The following LONRF1 variants were observed in gnomAD, a reference collection of about 807,000 sequenced individuals.
LONRF1 encodes the protein LON peptidase N-terminal domain and RING finger protein 1.
In LONRF1, 37 loss-of-function variants were observed where a neutral mutation model predicts 85.8. That is an observed-to-expected ratio of 0.43 (90% CI 0.33 to 0.57). The LOEUF is 0.57. LONRF1 is among the 20% of genes least tolerant of loss of function. The pLI is 0.04. For synonymous variants in LONRF1, 517 were observed against 390.1 expected (o/e 1.33, Z -3.83); for missense variants, 1,036 against 978.0 (o/e 1.06, Z -0.79).
At position 12,740,966 on chromosome 8, in the gene LONRF1, C is replaced by A. The variant is rs770316883; in HGVS notation, c.871G>T (p.Asp291Tyr). Residue 291 changes from aspartate (D) to tyrosine (Y), a missense_variant, in exon 3 of 12, where the codon GAT becomes TAT. By Grantham distance (160) the Asp-to-Tyr change is radical (BLOSUM62 -3). Transcript: ENST00000398246. ...AAGGCATCACCTAAAAAACCAGCAT[C>A]GCAGAGTACTTTTCCTTTCCTGAAG... is the stretch of plus-strand genomic sequence containing the variant. Reference protein sequence around the residue: ...VYFRKGKVLCDAGFLGDALQL... With the variant: ...VYFRKGKVLCYAGFLGDALQL... The A allele has an allele frequency of 1.2e-6, 2 of 1,613,544 alleles. No individual in the cohort carries two copies. The highest frequency in any genetic ancestry group is 1.7e-5 in the Admixed American group (1 of 60,004).
At chr8:12,751,645 C>T (rs936953471) in intron 1 of LONRF1, among the ~76,000 whole-genome samples, 2 of 150,958 alleles carry the variant, frequency 1.3e-5, no homozygotes, top group Non-Finnish European at 3.0e-5. Context: ...ATTTTCCTTA[C>T]CCAAATATTT....
intron 10 of LONRF1, among the ~76,000 whole-genome samples, chr8:12,726,270 A>C (rs1253551641): frequency 6.6e-6 from 1 of 152,224 alleles, no homozygotes; most frequent in Non-Finnish European, 1.5e-5. Flanking sequence ...TAGTTGCTAC[A>C]AAAAAAGAAA....
chr8:12,734,468 C>G (rs748716720), intron 7 of LONRF1, among the ~76,000 whole-genome samples: 1 of 152,152 alleles, frequency 6.6e-6, no homozygotes, highest in Non-Finnish European at 1.5e-5. Context: ...CCCCAATCAA[C>G]GCTACAAACT....
intron 1 of LONRF1, among the ~76,000 whole-genome samples, chr8:12,745,666 T>C (rs1015393279): frequency 3.3e-5 from 5 of 152,222 alleles, no homozygotes; most frequent in African/African-American, 9.6e-5. Flanking sequence ...ACTGCAGGTA[T>C]CTGTATTGCC....
chr8:12,753,108 T>A (rs1034465877), intron 1 of LONRF1: 1 of 152,230 alleles, frequency 6.6e-6, no homozygotes, highest in Non-Finnish European at 1.5e-5. Context: ...GTCATGTGTA[T>A]CAGAATTCTG....
intron 7 of LONRF1, among the ~76,000 whole-genome samples, chr8:12,735,036 C>G (rs953467235): frequency 6.6e-6 from 1 of 151,936 alleles, no homozygotes; most frequent in South Asian, 2.1e-4. Context: ...ACCATACCCA[C>G]TTTTGTTTAA....
chr8:12,751,312 T>TTTTTTTTTTTTTTG, intron 1 of LONRF1, among the ~76,000 whole-genome samples: 1 of 137,992 alleles, frequency 7.2e-6, no homozygotes, highest in Non-Finnish European at 1.6e-5. Context: ...TTTTTTTTTT[T>TTTTTTTTTTTTTTG]TTTTTTTTGA....
intron 7 of LONRF1, among the ~76,000 whole-genome samples, chr8:12,734,078 A>C (rs4258004): frequency 0.89 from 135,716 of 152,170 alleles, 61,348 homozygotes; most frequent in Non-Finnish European, 0.96. Flanking sequence ...AATCTGGAAA[A>C]ACAAGCATCA....
At chr8:12,732,195 TA>T (rs1429022242) in intron 7 of LONRF1, among the ~76,000 whole-genome samples, 5 of 152,238 alleles carry the variant, frequency 3.3e-5, no homozygotes, top group Non-Finnish European at 7.3e-5. Flanking sequence ...TCATGGGCAC[TA>T]AACTATCATT....
intron 7 of LONRF1, 142 bp from the exon 8 acceptor site, chr8:12,731,999 T>C (rs978069072): frequency 4.7e-5 from 38 of 800,550 alleles, no homozygotes; most frequent in Admixed American, 3.6e-4. Flanking sequence ...AACATTACAA[T>C]GGATGATGCT....
At chr8:12,729,628 G>A (rs140565307) in intron 8 of LONRF1, among the ~76,000 whole-genome samples, 1 of 151,986 alleles carries the variant, frequency 6.6e-6, no homozygotes, top group African/African-American at 2.4e-5. Context: ...TATGAATCAA[G>A]AGAATTTATT....
At chr8:12,754,561 C>T (rs980384991) in intron 1 of LONRF1, 139 bp downstream of exon 1, 3 of 1,045,818 alleles carry the variant, frequency 2.9e-6, no homozygotes, top group Non-Finnish European at 3.6e-6. Flanking sequence ...CCCAGCACCC[C>T]GAGACCCGAC....
intron 11 of LONRF1, 124 bp downstream of exon 11, chr8:12,725,603 T>C: frequency 4.6e-6 from 4 of 869,828 alleles, no homozygotes; most frequent in Middle Eastern, 2.4e-4. Context: ...GTGGGGCTGG[T>C]GCGGGGGAGG....
At chr8:12,750,963 A>G (rs1235551331) in intron 1 of LONRF1, among the ~76,000 whole-genome samples, 1 of 152,210 alleles carries the variant, frequency 6.6e-6, no homozygotes, top group African/African-American at 2.4e-5. Context: ...AGCACTTAGC[A>G]TGTTTTGACT....
chr8:12,734,855 T>C lies in LONRF1; in HGVS notation c.1566+431A>G, dbSNP rs116669739. Among the ~76,000 whole-genome samples the C allele has an allele frequency of 4.7e-3, 722 of 152,302 alleles. 4 individuals carry two copies. The highest frequency in any genetic ancestry group is 0.017 in the African/African-American group (694 of 41,554). ...GCTAATATATCTGACAGCAAAGATATGGAACATTTCCATCAATGCAGAAAA... is the reference window on the plus strand; with the variant it reads ...GCTAATATATCTGACAGCAAAGATACGGAACATTTCCATCAATGCAGAAAA... On this transcript the variant is annotated intron_variant, in intron 7 of 11. Coordinates refer to ENST00000398246, the MANE Select transcript of LONRF1 (RefSeq NM_152271.5).
At chr8:12,741,449 G>A (rs915059006) in intron 2 of LONRF1, among the ~76,000 whole-genome samples, 1 of 152,054 alleles carries the variant, frequency 6.6e-6, no homozygotes, top group African/African-American at 2.4e-5. Flanking sequence ...GCATTTTAAA[G>A]GCATACCTAC....
chr8:12,733,476 G>C (rs1004401260), intron 7 of LONRF1, among the ~76,000 whole-genome samples: 1 of 152,074 alleles, frequency 6.6e-6, no homozygotes, highest in Admixed American at 6.6e-5. Context: ...CATCTGTTTT[G>C]TTCCCAATTT....
At chr8:12,733,635 T>A (rs1317407184) in intron 7 of LONRF1, among the ~76,000 whole-genome samples, 2 of 152,034 alleles carry the variant, frequency 1.3e-5, no homozygotes, top group Non-Finnish European at 2.9e-5. Flanking sequence ...ATGCATAAAA[T>A]CATTCATTTT....
At position 12,755,509 on chromosome 8, in the gene LONRF1, G is replaced by A. The variant is rs1799612413; in HGVS notation, c.-89C>T. ...GCTCCGCACGCGGCCCGCGAGCAGGGGGGCGTGGCGCGCGGACACGGCGGG... is the reference window on the plus strand; with the variant it reads ...GCTCCGCACGCGGCCCGCGAGCAGGAGGGCGTGGCGCGCGGACACGGCGGG... On this transcript the variant is annotated 5_prime_UTR_variant, in exon 1 of 12. Coordinates refer to ENST00000398246, the MANE Select transcript of LONRF1 (RefSeq NM_152271.5). 3 of 613,226 alleles carry A rather than the reference G, an allele frequency of 4.9e-6. No individual in the cohort carries two copies. The highest frequency in any genetic ancestry group is 6.1e-6 in the Non-Finnish European group (3 of 490,568). The allele number at this position is 613,226 out of a possible 1,614,324, so 38.0% of individuals were successfully genotyped here.
Sources: gnomAD v4.1 joint callset for allele counts (sites outside exome capture counted in the v4.1 genomes callset) on GRCh38, gnomAD v4.1.1 for gene constraint, MANE v1.5 for transcripts, NCBI Gene and HGNC (gene_info 2026-07-23, HGNC 2026-07-21) for gene names.